The following PPM1L variants were observed in gnomAD, a reference collection of about 807,000 sequenced individuals.
The protein encoded by PPM1L is protein phosphatase 1L.
Under a neutral mutation model 31.4 loss-of-function variants are expected in PPM1L, and 13 were observed. That is an observed-to-expected ratio of 0.41 (90% confidence interval 0.27 to 0.66). The LOEUF (loss-of-function observed/expected upper bound fraction) is 0.66, where lower values mean the gene tolerates loss of function less well. Among genes scored for constraint, PPM1L ranks in the 30% least tolerant of loss-of-function variants. The pLI is 0.29. For synonymous variants in PPM1L, 184 were observed against 175.4 expected (o/e 1.05, Z -0.39); for missense variants, 326 against 453.7 (o/e 0.72, Z 2.56).
At chr3:160,973,764 G>GTTTTTTTTTTTTTTTTTTTTTTT (rs75599237) in intron 2 of PPM1L, among the ~76,000 whole-genome samples, 7 of 88,450 alleles carry the variant, frequency 7.9e-5, no homozygotes, top group Non-Finnish European at 1.5e-4. Flanking sequence ...GAAAGGCCCT[G>GTTTTTTTTTTTTTTTTTTTTTTT]TTTTTTTTTT....
chr3:160,944,950 A>G (rs1326671496), intron 1 of PPM1L, among the ~76,000 whole-genome samples: 1 of 57,360 alleles, frequency 1.7e-5, no homozygotes, highest in African/African-American at 6.7e-5. Flanking sequence ...ATATAACTAT[A>G]TATAACTATA....
chr3:161,003,113 T>G (rs1297572677), intron 2 of PPM1L, among the ~76,000 whole-genome samples: 257 of 151,746 alleles, frequency 1.7e-3, no homozygotes, highest in African/African-American at 5.6e-3. Context: ...CCCCATTGCT[T>G]GTTTTTCTCA....
chr3:160,818,165 A>G (rs1391719917), intron 1 of PPM1L, among the ~76,000 whole-genome samples: 3 of 152,084 alleles, frequency 2.0e-5, no homozygotes, highest in African/African-American at 7.2e-5. Context: ...TGAGCTAAGC[A>G]CAATGGCTTT....
At chr3:160,828,683 C>T (rs1713424623) in intron 1 of PPM1L, among the ~76,000 whole-genome samples, 1 of 151,920 alleles carries the variant, frequency 6.6e-6, no homozygotes, top group African/African-American at 2.4e-5. Context: ...ATGGTACCAC[C>T]CATATGTTCT....
intron 2 of PPM1L, among the ~76,000 whole-genome samples, chr3:160,967,931 A>G (rs536957441): frequency 3.3e-5 from 5 of 152,198 alleles, no homozygotes; most frequent in African/African-American, 1.2e-4. Flanking sequence ...TCTTATGACA[A>G]TGGAACACTC....
At chr3:160,872,726 A>T (rs1576682097) in intron 1 of PPM1L, among the ~76,000 whole-genome samples, 1 of 152,136 alleles carries the variant, frequency 6.6e-6, no homozygotes, top group Non-Finnish European at 1.5e-5. Context: ...GGAGTTCAAG[A>T]CCAGCCTGGC....
At chr3:160,942,554 A>T (rs927390887) in intron 1 of PPM1L, among the ~76,000 whole-genome samples, 1 of 152,228 alleles carries the variant, frequency 6.6e-6, no homozygotes, top group East Asian at 1.9e-4. Context: ...AAATTTTTCC[A>T]TGACACTGAG....
chr3:160,769,861 A>G (rs2108060150), intron 1 of PPM1L, among the ~76,000 whole-genome samples: 1 of 152,298 alleles, frequency 6.6e-6, no homozygotes, highest in Admixed American at 6.5e-5. Context: ...CTGGGAGGGT[A>G]GGAATTTTTG....
intron 1 of PPM1L, among the ~76,000 whole-genome samples, chr3:160,900,361 TTTTC>T (rs1228942069): frequency 6.6e-6 from 1 of 152,170 alleles, no homozygotes; most frequent in East Asian, 1.9e-4. Context: ...TTTAGCCTCC[TTTTC>T]TTTCTTTGAC....
chr3:161,051,875 G>A lies in PPM1L; in HGVS notation c.575-13528G>A, dbSNP rs1012919958. Among the ~76,000 whole-genome samples the A allele has an allele frequency of 4.6e-5, 7 of 152,254 alleles. No homozygotes were observed. The East Asian group carries it at 9.6e-4, about 21-fold the overall frequency. ...AAGGGCTTATTTCATTCACTTCCAC[G>A]TATATCCCATAATTTCCTGATTTTC... is the stretch of plus-strand genomic sequence containing the variant. On this transcript the variant is annotated intron_variant, in intron 2 of 3. Transcript: ENST00000498165.
chr3:161,026,569 G>A (rs1247689460), intron 2 of PPM1L, among the ~76,000 whole-genome samples: 2 of 152,032 alleles, frequency 1.3e-5, no homozygotes, highest in Non-Finnish European at 2.9e-5. Flanking sequence ...GGTGGTGGGC[G>A]CCTGTAATCC....
chr3:161,058,223 C>T (rs921798735), intron 2 of PPM1L, among the ~76,000 whole-genome samples: 1 of 142,266 alleles, frequency 7.0e-6, no homozygotes. Context: ...CTCGCGGGCT[C>T]AAGCAATTCT....
In PPM1L at chr3:161,069,186, C is replaced by G. The variant is rs1719836833; in HGVS notation, c.*29C>G. 2.6e-6 allele frequency: 4 copies of G among 1,522,426 alleles called. No homozygotes were observed. The African/African-American group carries it at 5.5e-5, about 21-fold the overall frequency. 94.3% of individuals were successfully genotyped at this position (1,522,426 alleles called of 1,614,324 possible). ...CTTCAGGGGTCTCAGCTGCCTTAGA[C>G]TAAAGGACTTTCAACACACTGGTCT... On this transcript the variant is annotated 3_prime_UTR_variant, in exon 4 of 4. Transcript: ENST00000498165.
chr3:160,807,172 C>G (rs568949702), intron 1 of PPM1L, among the ~76,000 whole-genome samples: 1 of 152,110 alleles, frequency 6.6e-6, no homozygotes, highest in Admixed American at 6.5e-5. Flanking sequence ...GAGATTAAAA[C>G]ATTTGGTGAT....
intron 1 of PPM1L, among the ~76,000 whole-genome samples, chr3:160,909,141 G>A (rs9881807): frequency 0.41 from 61,610 of 151,872 alleles, 13,454 homozygotes; most frequent in East Asian, 0.58. Flanking sequence ...TTGTAAAGGG[G>A]AGATAAATAA....
intron 2 of PPM1L, 93 bp from the exon 3 acceptor site, chr3:161,065,310 T>C (rs185589001): frequency 3.0e-6 from 4 of 1,312,984 alleles, no homozygotes; most frequent in South Asian, 1.4e-5. Context: ...GCAGAAGCAA[T>C]TTTAATGACT....
chr3:160,785,462 T>TA (rs1711876902), intron 1 of PPM1L, among the ~76,000 whole-genome samples: 1 of 152,134 alleles, frequency 6.6e-6, no homozygotes, highest in Admixed American at 6.6e-5. Flanking sequence ...AAATGCTCAA[T>TA]AAAAAACTTA....
intron 1 of PPM1L, among the ~76,000 whole-genome samples, chr3:160,778,429 C>T (rs953034821): frequency 1.3e-5 from 2 of 152,082 alleles, no homozygotes; most frequent in African/African-American, 2.4e-5. Flanking sequence ...AAAGTCCTCA[C>T]TGTTTTTTTA....
intron 1 of PPM1L, among the ~76,000 whole-genome samples, chr3:160,901,001 T>G (rs115893360): frequency 0.01 from 1,567 of 152,228 alleles, 27 homozygotes; most frequent in African/African-American, 0.036. Flanking sequence ...TTCTTTTAGC[T>G]CAATGGACAC....
Sources: allele counts gnomAD v4.1 joint callset (sites outside exome capture counted in the v4.1 genomes callset), GRCh38; gene constraint gnomAD v4.1.1; transcripts MANE v1.5; gene names NCBI Gene and HGNC (gene_info 2026-07-23, HGNC 2026-07-21).